CD274: variants seen among roughly 807,000 people sequenced by gnomAD.
The protein encoded by CD274 is CD274 molecule.
Under a neutral mutation model 30.1 loss-of-function variants are expected in CD274, and 8 were observed. The ratio of observed to expected loss-of-function variants is 0.27; its 90% confidence interval spans 0.16 to 0.48. CD274 has a LOEUF of 0.48. Among genes scored for constraint, CD274 ranks in the 20% least tolerant of loss-of-function variants. The pLI is 0.99. For synonymous variants in CD274, 152 were observed against 124.6 expected, an observed-to-expected ratio of 1.22 and a Z score of -1.46; for missense variants, 353 against 346.6, an observed-to-expected ratio of 1.02 and a Z score of -0.15.
rs990401843 is a variant in CD274, at chr9:5,468,654, A to G, written c.*792A>G. ...CCATTTAAATATCAGCTTTACAATTATGTGGTAGCCTACACACATAATCTC... is the reference window on the plus strand; with the variant it reads ...CCATTTAAATATCAGCTTTACAATTGTGTGGTAGCCTACACACATAATCTC... On this transcript the variant is annotated 3_prime_UTR_variant, in exon 7 of 7. Coordinates refer to ENST00000381577, the MANE Select transcript of CD274 (RefSeq NM_014143.4). 7.6e-4 allele frequency: 177 copies of G among 232,918 alleles called. No individual in the cohort carries two copies. Among genetic ancestry groups the G allele is most frequent in the Non-Finnish European group, 1.3e-4 (15 of 117,900 alleles). 14.4% of individuals were successfully genotyped at this position (232,918 alleles called of 1,614,324 possible).
In CD274 at chr9:5,457,392, C is replaced by T. The variant is rs1286831736; in HGVS notation, c.366C>T (p.Asp122=). ...GCATGATCAGCTATGGTGGTGCCGACTACAAGCGAATTACTGTGAAAGTCA... is the reference window on the plus strand; with the variant it reads ...GCATGATCAGCTATGGTGGTGCCGATTACAAGCGAATTACTGTGAAAGTCA... ...YRCMISYGGA[D]YKRITVKVNA... The change falls in exon 3 of 7, where the codon GAC becomes GAT. Residue 122 remains aspartate, a synonymous_variant. Transcript: ENST00000381577. 3 of 1,613,260 alleles carry T rather than the reference C, an allele frequency of 1.9e-6. No homozygotes were observed. Among genetic ancestry groups the T allele is most frequent in the African/African-American group, 2.7e-5 (2 of 74,898 alleles).
At chr9:5,454,610 T>C (rs1819266807) in intron 1 of CD274, among the ~76,000 whole-genome samples, 1 of 148,142 alleles carries the variant, frequency 6.8e-6, no homozygotes. Flanking sequence ...AGCAATGCTC[T>C]TCCTTTACAT....
chr9:5,466,862 G>A lies in CD274; in HGVS notation c.850+33G>A, dbSNP rs779483680. 3 of 1,519,678 alleles carry A rather than the reference G, an allele frequency of 2.0e-6. No homozygotes were observed. The African/African-American group carries it at 4.2e-5, about 21-fold the overall frequency. 94.1% of individuals were successfully genotyped at this position (1,519,678 alleles called of 1,614,324 possible). The stretch of plus-strand genomic sequence containing the variant: ...TATCAGAAGGAATTGGGAAGTAAAA[G>A]TCAAAGGAAACAAAAAGCTAAAGCA... On this transcript the variant is annotated intron_variant, in intron 6 of 6. Coordinates refer to ENST00000381577, the MANE Select transcript of CD274 (RefSeq NM_014143.4).
chr9:5,464,337 C>T (rs1327375767), intron 4 of CD274, among the ~76,000 whole-genome samples: 1 of 152,092 alleles, frequency 6.6e-6, no homozygotes, highest in East Asian at 1.9e-4. Flanking sequence ...AAATACCTGG[C>T]ATGCCTAACT....
rs912399409 is a variant in CD274 at position 5,463,824 on chromosome 9, G to C, written c.682+703G>C. On this transcript the variant is annotated intron_variant, in intron 4 of 6. Transcript: ENST00000381577. ...TAGCAACAGTGTATGAAAATGATTT[G>C]AGACCATTGCCTGCACAAATTCAAC... 4.6e-5 allele frequency among the ~76,000 whole-genome samples: 7 copies of C among 152,136 alleles called. No individual in the cohort carries two copies. The South Asian group carries it at 1.0e-3, about 22-fold the overall frequency.
At position 5,470,315 on chromosome 9, in the gene CD274, A is replaced by G. The variant is rs1819568681; in HGVS notation, c.*2453A>G. 2 of 232,516 alleles carry G rather than the reference A, an allele frequency of 8.6e-6. No homozygotes were observed. The highest frequency in any genetic ancestry group is 2.2e-5 in the African/African-American group (1 of 45,306). 14.4% of individuals were successfully genotyped at this position (232,516 alleles called of 1,614,324 possible). A position where few individuals can be genotyped will look rare whatever the true frequency, so the allele number is the denominator to read the frequency against. On this transcript the variant is annotated 3_prime_UTR_variant, in exon 7 of 7. Coordinates refer to ENST00000381577, the MANE Select transcript of CD274 (RefSeq NM_014143.4). ...GCAAGGCACATAGTCTACTCAGTCT[A>G]TTCCTAAGTCCTAACTCCTCCTTGT...
chr9:5,450,708 G>A (rs943638660), intron 1 of CD274, 112 bp downstream of exon 1: 3 of 152,328 alleles, frequency 2.0e-5, no homozygotes, highest in Admixed American at 2.0e-4. Flanking sequence ...GGAGAGAGGA[G>A]AAGGGAAAGG....
rs2131212543 is a variant in CD274 at position 5,457,333 on chromosome 9, G to C, written c.307G>C (p.Asp103His). 6.2e-7 allele frequency: 1 copy of C among 1,614,150 alleles called. No homozygotes were observed. The highest frequency in any genetic ancestry group is 1.1e-5 in the South Asian group (1 of 91,088). ...SLGNAALQIT[D>H]VKLQDAGVYR... is the part of the protein sequence containing the mutation. ...GGGAAATGCTGCACTTCAGATCACA[G>C]ATGTGAAATTGCAGGATGCAGGGGT... The change falls in exon 3 of 7, where the codon GAT becomes CAT. Residue 103 changes from aspartate to histidine, a missense_variant. Transcript: ENST00000381577.
intron 4 of CD274, 84 bp downstream of exon 4, chr9:5,463,205 A>C: frequency 9.6e-7 from 1 of 1,043,080 alleles, no homozygotes; most frequent in East Asian, 2.4e-5. Context: ...ATAGTCATTC[A>C]GTGATTGTTG....
chr9:5,459,249 G>T (rs1819360920), intron 3 of CD274, among the ~76,000 whole-genome samples: 2 of 152,166 alleles, frequency 1.3e-5, no homozygotes, highest in South Asian at 4.1e-4. Context: ...ATTCCATTTT[G>T]TATTGTAAAT....
intron 1 of CD274, among the ~76,000 whole-genome samples, chr9:5,453,497 A>T (rs907831553): frequency 6.6e-6 from 1 of 152,214 alleles, no homozygotes; most frequent in Admixed American, 6.5e-5. Flanking sequence ...TAGGCACTCA[A>T]CGAATATTTG....
chr9:5,463,077 G>C lies in CD274; in HGVS notation c.638G>C (p.Arg213Thr), dbSNP rs2131224405. The C allele has an allele frequency of 6.2e-7, 1 of 1,613,954 alleles. No individual in the cohort carries two copies. The highest frequency in any genetic ancestry group is 8.5e-7 in the Non-Finnish European group (1 of 1,179,870). The stretch of plus-strand genomic sequence containing the variant: ...GAGATTTTCTACTGCACTTTTAGGA[G>C]ATTAGATCCTGAGGAAAACCATACA... ...TNEIFYCTFR[R>T]LDPEENHTAE... Residue 213 changes from arginine (R) to threonine (T), a missense_variant, in exon 4 of 7, where the codon AGA becomes ACA. Arg to Thr is a moderately conservative substitution (Grantham distance 71). Transcript: ENST00000381577.
rs1223530327 is a variant in CD274 at position 5,459,282 on chromosome 9, CA to C, written c.394+1864del. Reference sequence around the variant, plus strand: ...AATTACTTAATTGGCATTCTACTCCCAATCCATCTTGTCATTTGCATACAGT... The same window carrying C: ...AATTACTTAATTGGCATTCTACTCCCATCCATCTTGTCATTTGCATACAGT... On this transcript the variant is annotated intron_variant, in intron 3 of 6. Transcript: ENST00000381577. 4.6e-5 allele frequency among the ~76,000 whole-genome samples: 7 copies of C among 152,182 alleles called. No individual in the cohort carries two copies. In the South Asian group the frequency reaches 1.0e-3, roughly 23 times the overall value.
At chr9:5,464,257 G>C (rs1370133929) in intron 4 of CD274, among the ~76,000 whole-genome samples, 1 of 152,046 alleles carries the variant, frequency 6.6e-6, no homozygotes, top group East Asian at 1.9e-4. Context: ...TTACTTGTTG[G>C]GTGGCCTACA....
intron 3 of CD274, among the ~76,000 whole-genome samples, chr9:5,460,571 G>T (rs1308998469): frequency 1.3e-5 from 2 of 152,118 alleles, no homozygotes; most frequent in South Asian, 2.1e-4. Flanking sequence ...AAGAAATTAA[G>T]TAATTTGCCC....
At position 5,463,045 on chromosome 9, in the gene CD274, A is replaced by T. The variant is rs1172665368; in HGVS notation, c.606A>T (p.Thr202=). The part of the protein sequence containing the change: ...NVTSTLRINT[T]TNEIFYCTFR... ...CCAGCACACTGAGAATCAACACAAC[A>T]ACTAATGAGATTTTCTACTGCACTT... Residue 202 remains threonine (T), a synonymous_variant, in exon 4 of 7, where the codon ACA becomes ACT. Transcript: ENST00000381577. The T allele has an allele frequency of 6.2e-7, 1 of 1,613,880 alleles. No homozygotes were observed. Among genetic ancestry groups the T allele is most frequent in the African/African-American group, 1.3e-5 (1 of 75,032 alleles).
At chr9:5,452,026 C>CTT (rs71326169) in intron 1 of CD274, among the ~76,000 whole-genome samples, 34,195 of 126,322 alleles carry the variant, frequency 0.27, 5,210 homozygotes, top group Middle Eastern at 0.46. Context: ...TTTTTTTTGT[C>CTT]TTTTTTTTTT....
rs1469335016 is a variant in CD274 at position 5,469,059 on chromosome 9, C to G, written c.*1197C>G. On this transcript the variant is annotated 3_prime_UTR_variant, in exon 7 of 7. Transcript: ENST00000381577. The stretch of plus-strand genomic sequence containing the variant: ...GAGGGGAAAACCCGAGCAGTGTTGC[C>G]AAGAGGAGGAAATAGGCCAATGTGG... The G allele has an allele frequency of 4.3e-6, 1 of 232,822 alleles. No individual in the cohort carries two copies. The highest frequency in any genetic ancestry group is 5.6e-5 in the Admixed American group (1 of 17,768). 14.4% of individuals were successfully genotyped at this position (232,822 alleles called of 1,614,324 possible).
chr9:5,456,861 A>G (rs955194970), intron 2 of CD274, among the ~76,000 whole-genome samples: 2 of 152,204 alleles, frequency 1.3e-5, no homozygotes, highest in African/African-American at 4.8e-5. Flanking sequence ...TTGTTTAGCT[A>G]ATTTTATTAT....
Sources: allele counts gnomAD v4.1 joint callset (sites outside exome capture counted in the v4.1 genomes callset), GRCh38; gene constraint gnomAD v4.1.1; transcripts MANE v1.5; gene names NCBI Gene and HGNC (gene_info 2026-07-23, HGNC 2026-07-21).